USP8: variants seen among roughly 807,000 people sequenced by gnomAD.
USP8 encodes ubiquitin carboxyl-terminal hydrolase 8.
USP8 carries 27 observed loss-of-function variants against 130.0 expected under a neutral mutation model. The observed-to-expected ratio is 0.21, with a 90% CI of 0.15 to 0.29. The LOEUF (loss-of-function observed/expected upper bound fraction) is 0.29. Ranked by LOEUF, USP8 falls within the 10% of genes least tolerant of loss-of-function variation. USP8 has a pLI of 1.00. For synonymous variants in USP8, 392 were observed against 444.1 expected, an observed-to-expected ratio of 0.88 and a Z score of 1.48; for missense variants, 1,029 against 1,312.2, an observed-to-expected ratio of 0.78 and a Z score of 3.33.
chr15:50,431,848 G>T (rs1251294278), intron 1 of USP8, among the ~76,000 whole-genome samples: 3 of 151,932 alleles, frequency 2.0e-5, no homozygotes, highest in Non-Finnish European at 4.4e-5. Flanking sequence ...TAGAGACGGG[G>T]TTTCTCCATA....
chr15:50,504,030 C>T lies in USP8; in HGVS notation c.*4942C>T, dbSNP rs1280591230. ...AAATGAGAAATACAACATAGTTGGC[C>T]GTCCATATTTACGGGCTCTGCATCT... On this transcript the variant is annotated 3_prime_UTR_variant, in exon 20 of 20. Coordinates refer to ENST00000307179, the MANE Select transcript of USP8 (RefSeq NM_005154.5). 2.0e-5 allele frequency: 3 copies of T among 151,988 alleles called. No homozygotes were observed. The highest frequency in any genetic ancestry group is 2.4e-5 in the African/African-American group (1 of 41,384). 9.4% of individuals were successfully genotyped at this position (151,988 alleles called of 1,614,324 possible). A position where few individuals can be genotyped will look rare whatever the true frequency, so the allele number is the denominator to read the frequency against.
intron 16 of USP8, among the ~76,000 whole-genome samples, chr15:50,495,128 ACTT>A (rs1467108037): frequency 6.6e-6 from 1 of 151,812 alleles, no homozygotes; most frequent in African/African-American, 2.4e-5. Flanking sequence ...ACATACTACA[ACTT>A]CTTTTTAGCA....
intron 18 of USP8, chr15:50,497,453 C>T: frequency 2.6e-6 from 1 of 380,010 alleles, no homozygotes; most frequent in Non-Finnish European, 4.6e-6. Flanking sequence ...CATGTAATTC[C>T]TTATAATTTT....
At chr15:50,483,775 C>T (rs1314414815) in intron 11 of USP8, among the ~76,000 whole-genome samples, 3 of 150,270 alleles carry the variant, frequency 2.0e-5, no homozygotes, top group Non-Finnish European at 4.4e-5. Context: ...GCCTGGGTGA[C>T]AGAGCGAGAC....
intron 2 of USP8, among the ~76,000 whole-genome samples, chr15:50,440,929 G>A (rs2050235501): frequency 6.6e-6 from 1 of 151,826 alleles, no homozygotes; most frequent in South Asian, 2.1e-4. Context: ...TTGAATCCGG[G>A]AGGCAGAGGT....
chr15:50,498,328 T>C, intron 18 of USP8: 1 of 301,588 alleles, frequency 3.3e-6, no homozygotes. Context: ...ATGTAGCAGT[T>C]GTAGCTGGAC....
rs1370946899 is a variant in USP8, at chr15:50,465,096, C to G, written c.591C>G (p.Ile197Met). Residue 197 changes from isoleucine (I) to methionine (M), a missense_variant, in exon 7 of 20, where the codon ATC (isoleucine) becomes ATG (methionine). This residue lies in a region of USP8 where 281 missense variants were observed against 336.7 expected (regional missense o/e 0.83). Coordinates refer to ENST00000307179, the MANE Select transcript of USP8 (RefSeq NM_005154.5). ...ACACAATGATGACGGATAAAAACATCAGCTTGATTATAATGGATGCTCGAA... is the reference window on the plus strand; with the variant it reads ...ACACAATGATGACGGATAAAAACATGAGCTTGATTATAATGGATGCTCGAA... ...ELYTMMTDKN[I>M]SLIIMDARRM... The G allele has an allele frequency of 6.2e-7, 1 of 1,614,114 alleles. No homozygotes were observed. Among genetic ancestry groups the G allele is most frequent in the African/African-American group, 1.3e-5 (1 of 75,032 alleles).
intron 16 of USP8, 85 bp from the exon 17 acceptor site, chr15:50,495,763 C>A (rs898985244): frequency 9.2e-7 from 1 of 1,084,474 alleles, no homozygotes; most frequent in Non-Finnish European, 1.3e-6. Context: ...CTAAATCTGG[C>A]AAGTGTTTGT....
chr15:50,444,939 G>A (rs1250272366), intron 3 of USP8, among the ~76,000 whole-genome samples: 2 of 151,998 alleles, frequency 1.3e-5, no homozygotes, highest in African/African-American at 4.8e-5. Context: ...TTAATTTTTA[G>A]TGGAAACGAG....
chr15:50,437,098 A>G (rs941659113), intron 1 of USP8, among the ~76,000 whole-genome samples: 10 of 151,978 alleles, frequency 6.6e-5, no homozygotes, highest in African/African-American at 2.4e-4. Flanking sequence ...ATATTTATGT[A>G]TGTTGCATTG....
chr15:50,468,927 T>TA (rs1208201164), intron 7 of USP8, among the ~76,000 whole-genome samples: 4 of 151,996 alleles, frequency 2.6e-5, no homozygotes, highest in African/African-American at 9.7e-5. Context: ...CTGAACCCGA[T>TA]ATACCCCCTG....
Position 50,477,312 on chromosome 15 carries a change from C to T in USP8, c.1031C>T (p.Pro344Leu). 2 of 1,613,738 alleles carry T rather than the reference C, an allele frequency of 1.2e-6. No homozygotes were observed. Among genetic ancestry groups the T allele is most frequent in the Non-Finnish European group, 1.7e-6 (2 of 1,179,924 alleles). ...FTYPSLEESI[P>L]SKPAAQTPPA... ...TATCCCTCATTGGAAGAATCAATTC[C>T]TTCTAAACCTGCTGCCCAGACGCCA... The change falls in exon 10 of 20, where the codon CCT becomes CTT. Residue 344 changes from proline to leucine, a missense_variant. By Grantham distance (98) the Pro-to-Leu change is moderately conservative (BLOSUM62 -3). Coordinates refer to ENST00000307179, the MANE Select transcript of USP8 (RefSeq NM_005154.5).
At position 50,450,714 on chromosome 15, in the gene USP8, G is replaced by T. The variant is rs540618110; in HGVS notation, c.335+1229G>T. ...TTGAACTCCTGACCTCCGATGATCT[G>T]CCTGCCTCGGCCTCCCAAAGTGCTG... On this transcript the variant is annotated intron_variant, in intron 4 of 19. Coordinates refer to ENST00000307179, the MANE Select transcript of USP8 (RefSeq NM_005154.5). Among the ~76,000 whole-genome samples, 8 of 152,046 alleles carry T rather than the reference G, an allele frequency of 5.3e-5. No homozygotes were observed. The East Asian group carries it at 1.5e-3, about 29-fold the overall frequency.
intron 12 of USP8, among the ~76,000 whole-genome samples, chr15:50,486,256 G>A (rs1210045456): frequency 1.3e-5 from 2 of 152,162 alleles, no homozygotes; most frequent in South Asian, 2.1e-4. Flanking sequence ...GCTGAGGCAG[G>A]TGGATCGCTT....
At chr15:50,460,101 G>A (rs1226813875) in intron 5 of USP8, among the ~76,000 whole-genome samples, 5 of 145,302 alleles carry the variant, frequency 3.4e-5, no homozygotes, top group African/African-American at 5.1e-5. Flanking sequence ...AGGTTCAAGC[G>A]ATTCTCCTGC....
At position 50,508,664 on chromosome 15, in the gene USP8, G is replaced by T. The variant is rs1350787305; in HGVS notation, c.*9576G>T. On this transcript the variant is annotated 3_prime_UTR_variant, in exon 20 of 20. Transcript: ENST00000307179. ...CAGAAAACAAAGATGTAATACAGAAGATTTAAAAAAAGGTAAAAGTTGGTG... is the reference window on the plus strand; with the variant it reads ...CAGAAAACAAAGATGTAATACAGAATATTTAAAAAAAGGTAAAAGTTGGTG... 6.6e-6 allele frequency: 1 copy of T among 152,014 alleles called. No homozygotes were observed. The highest frequency in any genetic ancestry group is 1.5e-5 in the Non-Finnish European group (1 of 67,990). 9.4% of individuals were successfully genotyped at this position (152,014 alleles called of 1,614,324 possible).
chr15:50,431,919 G>A (rs763847080), intron 1 of USP8, among the ~76,000 whole-genome samples: 4 of 152,196 alleles, frequency 2.6e-5, no homozygotes, highest in Non-Finnish European at 4.4e-5. Context: ...GCCTCCCAAA[G>A]TGCTGGGATT....
At chr15:50,464,945 T>C in intron 6 of USP8, 102 bp from the exon 7 acceptor site, 1 of 1,219,402 alleles carries the variant, frequency 8.2e-7, no homozygotes, top group Non-Finnish European at 1.2e-6. Flanking sequence ...ATATATTCAG[T>C]ATACTTTGCT....
At chr15:50,482,178 G>A (rs537430374) in intron 11 of USP8, 113 bp downstream of exon 11, 2 of 1,008,344 alleles carry the variant, frequency 2.0e-6, no homozygotes, top group East Asian at 5.6e-5. Flanking sequence ...TCTTTTCAGG[G>A]GTGATAGAAT....
Sources: gnomAD v4.1 joint callset for allele counts (sites outside exome capture counted in the v4.1 genomes callset) on GRCh38, gnomAD v4.1.1 for gene constraint, gnomAD v4.1.1 regional missense constraint, MANE v1.5 for transcripts, NCBI Gene and HGNC (gene_info 2026-07-23, HGNC 2026-07-21) for gene names.